Variants in LRMDA observed in about 807,000 individuals in gnomAD.
LRMDA encodes the protein leucine-rich melanocyte differentiation-associated protein.
LRMDA carries 18 observed loss-of-function variants against 29.8 expected under a neutral mutation model. The observed-to-expected ratio is 0.60, with a 90% CI of 0.42 to 0.90. The LOEUF is 0.90. LRMDA is among the 40% of genes least tolerant of loss of function. The pLI is 0.00. For synonymous variants in LRMDA, 125 were observed against 109.4 expected, an observed-to-expected ratio of 1.14 and a Z score of -0.89; for missense variants, 273 against 273.9, an observed-to-expected ratio of 1.00 and a Z score of 0.02.
intron 2 of LRMDA, among the ~76,000 whole-genome samples, chr10:75,631,403 A>ACCCCCCCC (rs148135320): frequency 6.7e-6 from 1 of 148,676 alleles, no homozygotes; most frequent in African/African-American, 2.5e-5. Flanking sequence ...ACCTCACTGC[A>ACCCCCCCC]CCCCCCCCGC....
chr10:75,438,925 G>A (rs1388876632), intron 2 of LRMDA, among the ~76,000 whole-genome samples: 5 of 152,126 alleles, frequency 3.3e-5, no homozygotes, highest in Admixed American at 2.0e-4. Flanking sequence ...TCACAGGTAG[G>A]GTGTGTGTAT....
intron 2 of LRMDA, chr10:75,642,533 C>T (rs1385040920): frequency 6.6e-6 from 1 of 152,132 alleles, no homozygotes; most frequent in Non-Finnish European, 1.5e-5. Context: ...CCCAAATACC[C>T]AACTTTTGCT....
intron 2 of LRMDA, among the ~76,000 whole-genome samples, chr10:75,804,441 C>A (rs1441212668): frequency 1.3e-5 from 2 of 152,200 alleles, no homozygotes; most frequent in African/African-American, 4.8e-5. Flanking sequence ...AAAGCAAGCG[C>A]AGAGTGACTG....
chr10:75,873,462 A>G (rs1414647422), intron 2 of LRMDA, among the ~76,000 whole-genome samples: 1 of 152,368 alleles, frequency 6.6e-6, no homozygotes, highest in East Asian at 1.9e-4. Context: ...TGAGAAGAAT[A>G]TAAGCCATAA....
chr10:75,988,104 C>T (rs1847293491), intron 2 of LRMDA, among the ~76,000 whole-genome samples: 1 of 152,210 alleles, frequency 6.6e-6, no homozygotes, highest in African/African-American at 2.4e-5. Flanking sequence ...GATAGCTCCT[C>T]TTAGGATGTT....
At chr10:75,433,088 C>CT (rs149069098) in intron 1 of LRMDA, among the ~76,000 whole-genome samples, 8,672 of 151,160 alleles carry the variant, frequency 0.057, 806 homozygotes, top group African/African-American at 0.2. Flanking sequence ...GGGAAAGGGG[C>CT]TTTTTTTTTC....
At chr10:76,172,263 A>G (rs772958571) in intron 5 of LRMDA, among the ~76,000 whole-genome samples, 3 of 152,202 alleles carry the variant, frequency 2.0e-5, no homozygotes, top group Non-Finnish European at 4.4e-5. Context: ...TTTGTCAGGG[A>G]CACACCCCAT....
chr10:75,915,822 G>T (rs1321909035), intron 2 of LRMDA, among the ~76,000 whole-genome samples: 1 of 152,190 alleles, frequency 6.6e-6, no homozygotes, highest in East Asian at 1.9e-4. Flanking sequence ...GATAGGGTCA[G>T]AATATAAGTA....
chr10:76,442,296 A>G (rs191094278), intron 6 of LRMDA, among the ~76,000 whole-genome samples: 1 of 152,340 alleles, frequency 6.6e-6, no homozygotes, highest in East Asian at 1.9e-4. Flanking sequence ...AGATTGATGG[A>G]ACACTTATCA....
intron 2 of LRMDA, among the ~76,000 whole-genome samples, chr10:75,825,647 C>T: frequency 6.6e-6 from 1 of 152,154 alleles, no homozygotes; most frequent in East Asian, 1.9e-4. Flanking sequence ...ATCTATTGCA[C>T]ATTGAACATG....
chr10:76,199,311 T>C (rs919558751), intron 5 of LRMDA, among the ~76,000 whole-genome samples: 1 of 152,212 alleles, frequency 6.6e-6, no homozygotes, highest in African/African-American at 2.4e-5. Context: ...AGTGATACCA[T>C]GGATTTCATA....
intron 2 of LRMDA, among the ~76,000 whole-genome samples, chr10:75,499,468 A>G (rs1845087155): frequency 6.6e-6 from 1 of 152,212 alleles, no homozygotes; most frequent in Non-Finnish European, 1.5e-5. Flanking sequence ...CTGGGCCTTG[A>G]CTGTCTTTTC....
chr10:75,552,633 A>G, intron 2 of LRMDA: 1 of 410,544 alleles, frequency 2.4e-6, no homozygotes, highest in South Asian at 1.8e-5. Context: ...ATTTTGGAAA[A>G]TTCGTAGCTA....
At chr10:75,571,695 G>T (rs1438402376) in intron 2 of LRMDA, among the ~76,000 whole-genome samples, 12 of 152,136 alleles carry the variant, frequency 7.9e-5, no homozygotes, top group Non-Finnish European at 1.5e-4. Context: ...ACAAGTAACA[G>T]ATGGTTCTAC....
chr10:76,132,601 A>T (rs1036540935), intron 5 of LRMDA, among the ~76,000 whole-genome samples: 3 of 152,160 alleles, frequency 2.0e-5, no homozygotes, highest in African/African-American at 7.2e-5. Context: ...AGAATGCCTG[A>T]GTTACCAAAA....
intron 6 of LRMDA, among the ~76,000 whole-genome samples, chr10:76,405,043 C>T (rs994899678): frequency 6.6e-6 from 1 of 152,080 alleles, no homozygotes; most frequent in Admixed American, 6.5e-5. Context: ...GCAGTTGACA[C>T]CTAGATGTTA....
At chr10:75,862,084 CCCTATCAA>C (rs1376571375) in intron 2 of LRMDA, among the ~76,000 whole-genome samples, 1 of 151,862 alleles carries the variant, frequency 6.6e-6, no homozygotes, top group African/African-American at 2.4e-5. Flanking sequence ...AGAACTGAGC[CCCTATCAA>C]CCTACAGAAT....
intron 5 of LRMDA, among the ~76,000 whole-genome samples, chr10:76,275,208 A>C (rs1840116169): frequency 6.6e-6 from 1 of 152,050 alleles, no homozygotes. Flanking sequence ...CTTGTATTGA[A>C]TGTGATTCTG....
At chr10:76,032,501 G>A (rs1848166953) in intron 2 of LRMDA, among the ~76,000 whole-genome samples, 1 of 152,234 alleles carries the variant, frequency 6.6e-6, no homozygotes, top group Non-Finnish European at 1.5e-5. Context: ...TGAATCCACT[G>A]GAGCCCAATG....
Sources: allele counts gnomAD v4.1 joint callset (sites outside exome capture counted in the v4.1 genomes callset), GRCh38; gene constraint gnomAD v4.1.1; transcripts MANE v1.5; gene names NCBI Gene and HGNC (gene_info 2026-07-23, HGNC 2026-07-21).